The following CNTRL variants were observed in gnomAD, a reference collection of about 807,000 sequenced individuals.
The protein encoded by CNTRL is 110 kDa centrosomal protein.
A neutral mutation model predicts 303.7 loss-of-function variants in CNTRL; 233 were observed. The ratio of observed to expected loss-of-function variants is 0.77; its 90% CI spans 0.69 to 0.86. The LOEUF (loss-of-function observed/expected upper bound fraction) is 0.86. CNTRL is among the 40% of genes least tolerant of loss of function. CNTRL has a pLI of 0.00. For synonymous variants in CNTRL, 900 were observed against 922.2 expected (o/e 0.98, Z 0.44); for missense variants, 2,524 against 2,650.6 (o/e 0.95, Z 1.05).
intron 26 of CNTRL, among the ~76,000 whole-genome samples, chr9:121,153,389 G>A (rs544676230): frequency 1.3e-4 from 20 of 152,180 alleles, no homozygotes; most frequent in Admixed American, 7.2e-4. Flanking sequence ...CAAACACCAC[G>A]TTTTCTCCTG....
chr9:121,103,702 A>G (rs1349020426), intron 7 of CNTRL, among the ~76,000 whole-genome samples: 1 of 152,374 alleles, frequency 6.6e-6, no homozygotes, highest in East Asian at 1.9e-4. Context: ...TTTACAAGAA[A>G]AAAAGCAGCC....
In CNTRL at chr9:121,177,601, TAAC is replaced by T. The variant is rs1405631453; in HGVS notation, c.*418_*420del. On this transcript the variant is annotated 3_prime_UTR_variant, in exon 44 of 44. Coordinates refer to ENST00000373855, the MANE Select transcript of CNTRL (RefSeq NM_007018.6). ...CTATTTTTCATATGAAAATAAAAGA[TAAC>T]AATCAACTTGGGTCTGTCCTCTGAC... 1 of 194,418 alleles carries T rather than the reference TAAC, an allele frequency of 5.1e-6. No individual in the cohort carries two copies. The highest frequency in any genetic ancestry group is 1.1e-5 in the Non-Finnish European group (1 of 94,294). The allele number at this position is 194,418 out of a possible 1,614,324, so 12.0% of individuals were successfully genotyped here. A position where few individuals can be genotyped will look rare whatever the true frequency, so the allele number is the denominator to read the frequency against.
intron 8 of CNTRL, among the ~76,000 whole-genome samples, chr9:121,110,025 A>G (rs77212833): frequency 0.11 from 17,399 of 152,176 alleles, 1,236 homozygotes; most frequent in East Asian, 0.18. Flanking sequence ...CAGAATATCT[A>G]ATGATAATAT....
intron 2 of CNTRL, 42 bp from the exon 3 acceptor site, chr9:121,088,254 C>T: frequency 1.0e-6 from 1 of 962,940 alleles, no homozygotes. Context: ...TTTGATAACT[C>T]TTAAAAATTA....
intron 2 of CNTRL, among the ~76,000 whole-genome samples, chr9:121,087,384 T>A (rs576084797): frequency 1.3e-5 from 2 of 152,196 alleles, no homozygotes; most frequent in East Asian, 3.9e-4. Context: ...AGAGAAAGAT[T>A]GGATTGAGGT....
chr9:121,176,375 AATTAGCAGCAGGGCC>A lies in CNTRL; in HGVS notation c.6955-770_6955-756del, dbSNP rs575967844. Among the ~76,000 whole-genome samples the A allele has an allele frequency of 2.6e-4, 40 of 152,318 alleles. No individual in the cohort carries two copies. The East Asian group carries it at 4.0e-3, about 15-fold the overall frequency. On this transcript the variant is annotated intron_variant, in intron 43 of 43. Transcript: ENST00000373855. Reference sequence around the variant, plus strand: ...AGTGACTTACCTAGTTCACACAGCTAATTAGCAGCAGGGCCATTAGCAGCAGGGCCATCTGAATAT... The same window carrying A: ...AGTGACTTACCTAGTTCACACAGCTAATTAGCAGCAGGGCCATCTGAATAT...
At chr9:121,081,345 C>G (rs2048133024) in intron 2 of CNTRL, among the ~76,000 whole-genome samples, 1 of 152,198 alleles carries the variant, frequency 6.6e-6, no homozygotes, top group Middle Eastern at 3.2e-3. Context: ...GGTTGTTGCC[C>G]CATACACCAG....
intron 27 of CNTRL, among the ~76,000 whole-genome samples, chr9:121,155,714 A>C (rs1333517883): frequency 1.3e-5 from 2 of 152,172 alleles, no homozygotes; most frequent in Non-Finnish European, 2.9e-5. Context: ...ACACATGGCC[A>C]TTTTGTAAAT....
chr9:121,092,836 C>T lies in CNTRL; in HGVS notation c.349-2052C>T, dbSNP rs866726221. On this transcript the variant is annotated intron_variant, in intron 4 of 43. Coordinates refer to ENST00000373855, the MANE Select transcript of CNTRL (RefSeq NM_007018.6). Reference sequence around the variant, plus strand: ...ATATATATTTTTTTTTTTTTGGAGTCTCGCTCTCTTGCCAGGCTGGAGTGC... The same window carrying T: ...ATATATATTTTTTTTTTTTTGGAGTTTCGCTCTCTTGCCAGGCTGGAGTGC... 1.4e-4 allele frequency among the ~76,000 whole-genome samples: 16 copies of T among 113,146 alleles called. 3 individuals are homozygous for T. Among genetic ancestry groups the T allele is most frequent in the African/African-American group, 4.4e-4 (12 of 27,404 alleles). The allele number at this position is 113,146 out of a possible 152,430, so 74.2% of individuals were successfully genotyped here.
intron 3 of CNTRL, among the ~76,000 whole-genome samples, chr9:121,090,053 T>A (rs1428279563): frequency 7.7e-6 from 1 of 129,904 alleles, no homozygotes; most frequent in African/African-American, 4.0e-5. Flanking sequence ...GTTATTACAT[T>A]ATAATACATT....
At chr9:121,120,118 G>A (rs1259415337) in intron 12 of CNTRL, among the ~76,000 whole-genome samples, 2 of 147,796 alleles carry the variant, frequency 1.4e-5, no homozygotes, top group Admixed American at 1.4e-4. Context: ...TGAATAATAG[G>A]GGTTTTTTTT....
chr9:121,172,744 TTTCA>T (rs1350744827), intron 40 of CNTRL, among the ~76,000 whole-genome samples: 1 of 152,252 alleles, frequency 6.6e-6, no homozygotes, highest in Non-Finnish European at 1.5e-5. Context: ...TTATGACTTA[TTTCA>T]GTAAATGGCC....
intron 4 of CNTRL, among the ~76,000 whole-genome samples, chr9:121,092,964 G>A (rs1294278582): frequency 1.3e-5 from 2 of 149,004 alleles, no homozygotes; most frequent in Non-Finnish European, 3.0e-5. Context: ...GTGCTACGAC[G>A]CCCAGCTAAT....
rs71370624 is a variant in CNTRL at position 121,082,969 on chromosome 9, CA to C, written c.-32+2508del. 2.8e-3 allele frequency among the ~76,000 whole-genome samples: 311 copies of C among 109,852 alleles called. 3 individuals carry two copies. Among genetic ancestry groups the C allele is most frequent in the African/African-American group, 7.0e-3 (184 of 26,340 alleles). The allele number at this position is 109,852 out of a possible 152,430, so 72.1% of individuals were successfully genotyped here. A position where few individuals can be genotyped will look rare whatever the true frequency, so the allele number is the denominator to read the frequency against. On this transcript the variant is annotated intron_variant, in intron 2 of 43. Coordinates refer to ENST00000373855, the MANE Select transcript of CNTRL (RefSeq NM_007018.6). ...TGGGCGACAGAGGGAGACTCCCTCT[CA>C]AAAAAAAAAAAAAAAATAGAAAAAG...
At chr9:121,172,042 C>G (rs2053327953) in intron 40 of CNTRL, among the ~76,000 whole-genome samples, 1 of 152,170 alleles carries the variant, frequency 6.6e-6, no homozygotes. Flanking sequence ...TCCCTGAACT[C>G]TAGTCGGGCT....
chr9:121,121,053 G>A (rs2050202376), intron 12 of CNTRL, among the ~76,000 whole-genome samples: 1 of 152,162 alleles, frequency 6.6e-6, no homozygotes, highest in Non-Finnish European at 1.5e-5. Flanking sequence ...ATAATCAAGA[G>A]TGAGATGCCT....
chr9:121,157,702 T>C (rs753617172), intron 28 of CNTRL, 38 bp from the exon 29 acceptor site: 1 of 1,609,306 alleles, frequency 6.2e-7, no homozygotes, highest in African/African-American at 1.3e-5. Flanking sequence ...GCATGGTAAG[T>C]CTACAGGACC....
chr9:121,144,601 G>A (rs1057036368), intron 20 of CNTRL, among the ~76,000 whole-genome samples: 2 of 152,198 alleles, frequency 1.3e-5, no homozygotes, highest in Non-Finnish European at 2.9e-5. Flanking sequence ...GAAGACGGTA[G>A]TAAAAGTAAA....
chr9:121,139,067 T>A (rs1328109786), intron 16 of CNTRL, among the ~76,000 whole-genome samples: 3 of 152,200 alleles, frequency 2.0e-5, no homozygotes, highest in African/African-American at 7.2e-5. Context: ...TCCAGGAATT[T>A]AACTAGAGTG....
Sources: allele counts gnomAD v4.1 joint callset (sites outside exome capture counted in the v4.1 genomes callset), GRCh38; gene constraint gnomAD v4.1.1; transcripts MANE v1.5; gene names NCBI Gene and HGNC (gene_info 2026-07-23, HGNC 2026-07-21).